BCAS1: variants seen among roughly 807,000 people sequenced by gnomAD.
BCAS1 encodes breast carcinoma-amplified sequence 1.
Under a neutral mutation model 65.4 loss-of-function variants are expected in BCAS1, and 46 were observed. That is an observed-to-expected ratio of 0.70 (90% CI 0.55 to 0.90). BCAS1 has a LOEUF of 0.90. BCAS1 is among the 40% of genes least tolerant of loss of function. BCAS1 has a pLI of 0.00. For synonymous variants in BCAS1, 298 were observed against 293.5 expected, an observed-to-expected ratio of 1.02 and a Z score of -0.16; for missense variants, 793 against 771.2, an observed-to-expected ratio of 1.03 and a Z score of -0.33.
At position 53,960,434 on chromosome 20, in the gene BCAS1, T is replaced by G. The variant is rs80322891; in HGVS notation, c.1486-2937A>C. ...GAATCATGAAAACAGACCTCCAGGC[T>G]GTCAGGGAGATTACTGCAACAAAGT... On this transcript the variant is annotated intron_variant, in intron 10 of 12. Coordinates refer to ENST00000688948, the MANE Select transcript of BCAS1 (RefSeq NM_001366298.2). Among the ~76,000 whole-genome samples, 767 of 133,902 alleles carry G rather than the reference T, an allele frequency of 5.7e-3. 5 individuals carry two copies. Among genetic ancestry groups the G allele is most frequent in the African/African-American group, 0.02 (709 of 35,852 alleles). 87.8% of individuals were successfully genotyped at this position (133,902 alleles called of 152,430 possible).
chr20:54,052,002 G>T (rs138294878), intron 3 of BCAS1, among the ~76,000 whole-genome samples: 4,478 of 152,266 alleles, frequency 0.029, 91 homozygotes, highest in Middle Eastern at 0.075. Flanking sequence ...GCCTCCAAAA[G>T]TGCTGGGATT....
At chr20:54,034,173 A>C (rs1344877960) in intron 3 of BCAS1, among the ~76,000 whole-genome samples, 1 of 151,446 alleles carries the variant, frequency 6.6e-6, no homozygotes, top group Non-Finnish European at 1.5e-5. Context: ...CACAGCTAAG[A>C]TCATACTGAA....
At chr20:53,954,906 G>C in intron 11 of BCAS1, among the ~76,000 whole-genome samples, 1 of 152,228 alleles carries the variant, frequency 6.6e-6, no homozygotes, top group Middle Eastern at 3.2e-3. Context: ...AGTGTGGTCA[G>C]AGCTTCTGTT....
chr20:54,014,605 T>A (rs2091393353), intron 4 of BCAS1, among the ~76,000 whole-genome samples: 1 of 152,192 alleles, frequency 6.6e-6, no homozygotes, highest in African/African-American at 2.4e-5. Context: ...TTACTCTTAG[T>A]CTTAACACCA....
At chr20:54,052,878 G>C (rs766159431) in intron 3 of BCAS1, among the ~76,000 whole-genome samples, 1 of 152,150 alleles carries the variant, frequency 6.6e-6, no homozygotes, top group South Asian at 2.1e-4. Context: ...ACCATTGTAC[G>C]GATATACCCT....
chr20:53,992,308 G>A (rs2090780676), intron 7 of BCAS1, among the ~76,000 whole-genome samples: 2 of 152,168 alleles, frequency 1.3e-5, no homozygotes, highest in Non-Finnish European at 2.9e-5. Context: ...TCCGCACTAG[G>A]AAGACACCTG....
At chr20:53,991,740 GA>G (rs1367993012) in intron 7 of BCAS1, among the ~76,000 whole-genome samples, 1 of 152,180 alleles carries the variant, frequency 6.6e-6, no homozygotes, top group Non-Finnish European at 1.5e-5. Context: ...GTTAATATTG[GA>G]AATAGATGAA....
At chr20:53,976,028 T>C (rs2090324607) in intron 8 of BCAS1, among the ~76,000 whole-genome samples, 1 of 152,196 alleles carries the variant, frequency 6.6e-6, no homozygotes, top group African/African-American at 2.4e-5. Context: ...CTAAAACATG[T>C]CTGTGGAAGG....
intron 3 of BCAS1, among the ~76,000 whole-genome samples, chr20:54,037,508 G>A (rs1406737680): frequency 1.3e-5 from 2 of 151,578 alleles, no homozygotes; most frequent in South Asian, 2.1e-4. Context: ...TTCATTGACT[G>A]TTTCCCAGCA....
At chr20:54,043,876 C>A (rs959331342) in intron 3 of BCAS1, among the ~76,000 whole-genome samples, 1 of 152,222 alleles carries the variant, frequency 6.6e-6, no homozygotes, top group Non-Finnish European at 1.5e-5. Context: ...GCTCTGCTTA[C>A]ATTTTTCAGT....
chr20:54,038,733 G>T (rs889502868), intron 3 of BCAS1, among the ~76,000 whole-genome samples: 1 of 151,248 alleles, frequency 6.6e-6, no homozygotes, highest in Non-Finnish European at 1.5e-5. Context: ...ATTATTCACC[G>T]CCGAATCATC....
chr20:53,966,844 C>T (rs1480568926), intron 10 of BCAS1, 62 bp downstream of exon 10: 2 of 1,479,914 alleles, frequency 1.4e-6, no homozygotes, highest in African/African-American at 1.4e-5. Context: ...GGCATGAGCC[C>T]ATTGTTCCCA....
intron 12 of BCAS1, among the ~76,000 whole-genome samples, chr20:53,945,457 G>A (rs1444273157): frequency 6.6e-6 from 1 of 151,818 alleles, no homozygotes; most frequent in Non-Finnish European, 1.5e-5. Context: ...CAATGTGCAG[G>A]TTTGTTACAT....
chr20:54,032,109 A>G (rs1158966566), intron 3 of BCAS1, among the ~76,000 whole-genome samples: 1 of 151,334 alleles, frequency 6.6e-6, no homozygotes, highest in African/African-American at 2.4e-5. Context: ...CTAAAAAGGG[A>G]AGCACAGACT....
At chr20:54,058,245 A>C in intron 2 of BCAS1, 91 bp from the exon 3 acceptor site, 24 of 1,171,716 alleles carry the variant, frequency 2.0e-5, no homozygotes, top group South Asian at 2.6e-5. Flanking sequence ...AGGGTGTCTC[A>C]CAAAAAATTA....
At chr20:54,027,749 A>G (rs1477275737) in intron 4 of BCAS1, among the ~76,000 whole-genome samples, 1 of 151,980 alleles carries the variant, frequency 6.6e-6, no homozygotes, top group African/African-American at 2.4e-5. Context: ...AAAAAAAGCA[A>G]CTGATTCCAG....
intron 10 of BCAS1, 125 bp from the exon 11 acceptor site, chr20:53,957,622 G>A (rs2089742862): frequency 1.2e-6 from 1 of 814,848 alleles, no homozygotes; most frequent in Admixed American, 2.0e-5. Context: ...CAAATGGAAG[G>A]CCAACTGGAA....
At chr20:53,974,893 G>A (rs979845772) in intron 9 of BCAS1, among the ~76,000 whole-genome samples, 4 of 152,212 alleles carry the variant, frequency 2.6e-5, no homozygotes, top group Non-Finnish European at 5.9e-5. Context: ...CTATCTCAGA[G>A]GTAGACCCGT....
At chr20:54,005,183 C>T (rs2091154804) in intron 4 of BCAS1, among the ~76,000 whole-genome samples, 1 of 118,612 alleles carries the variant, frequency 8.4e-6, no homozygotes. Flanking sequence ...AGGCTAAGCA[C>T]AGTGGCTCAC....
Sources: allele counts gnomAD v4.1 joint callset (sites outside exome capture counted in the v4.1 genomes callset), GRCh38; gene constraint gnomAD v4.1.1; transcripts MANE v1.5; gene names NCBI Gene and HGNC (gene_info 2026-07-23, HGNC 2026-07-21).